ROBO1: variants seen among roughly 807,000 people sequenced by gnomAD.
ROBO1 encodes the protein roundabout guidance receptor 1.
A neutral mutation model predicts 195.9 loss-of-function variants in ROBO1; 149 were observed. The ratio of observed to expected loss-of-function variants is 0.76; its 90% confidence interval spans 0.67 to 0.87. The LOEUF (loss-of-function observed/expected upper bound fraction) is 0.87, where lower values mean the gene tolerates loss of function less well. Ranked by LOEUF, ROBO1 falls within the 40% of genes least tolerant of loss-of-function variation. ROBO1 has a pLI of 0.00. For synonymous variants in ROBO1, 816 were observed against 733.2 expected (o/e 1.11, Z -1.82); for missense variants, 1,933 against 2,068.3 (o/e 0.93, Z 1.27).
Position 78,634,034 on chromosome 3 carries a change from C to T in ROBO1, c.3382G>A (p.Ala1128Thr), listed in dbSNP as rs1259566504. ...ATAGTTGGAGGAACTGTGTCATTTG[C>T]TCGATAATCTAGACATATCAGATGA... is the stretch of plus-strand genomic sequence containing the variant. ...EQNKLNKDYR[A>T]NDTVPPTIPY... is the part of the protein sequence containing the mutation. The change falls in exon 24 of 31, where the codon GCA becomes ACA. Residue 1128 changes from alanine to threonine, a missense_variant. Ala to Thr is a moderately conservative substitution (Grantham distance 58). Coordinates refer to ENST00000464233, the MANE Select transcript of ROBO1 (RefSeq NM_002941.4). 1.9e-6 allele frequency: 3 copies of T among 1,603,908 alleles called. No individual in the cohort carries two copies. Among genetic ancestry groups the T allele is most frequent in the Admixed American group, 3.4e-5 (2 of 59,392 alleles).
chr3:79,714,085 T>G (rs1409511190), intron 1 of ROBO1, among the ~76,000 whole-genome samples: 2 of 152,066 alleles, frequency 1.3e-5, no homozygotes, highest in Non-Finnish European at 2.9e-5. Flanking sequence ...GGCTCTTTTT[T>G]GCAACCTACT....
chr3:79,307,943 G>C (rs1398862250), intron 2 of ROBO1, among the ~76,000 whole-genome samples: 5 of 152,138 alleles, frequency 3.3e-5, no homozygotes, highest in Non-Finnish European at 7.4e-5. Flanking sequence ...CACTGAGCCT[G>C]ATTTAAATTT....
intron 1 of ROBO1, among the ~76,000 whole-genome samples, chr3:79,650,598 A>C (rs1576177944): frequency 6.6e-6 from 1 of 151,776 alleles, no homozygotes; most frequent in Non-Finnish European, 1.5e-5. Context: ...TAAAGAAAAA[A>C]TATAGAAAAA....
In ROBO1 at chr3:79,239,699, A is replaced by G. The variant is rs527238393; in HGVS notation, c.89-114160T>C. On this transcript the variant is annotated intron_variant, in intron 2 of 30. Coordinates refer to ENST00000464233, the MANE Select transcript of ROBO1 (RefSeq NM_002941.4). ...GAGCACTCTCTGAATAACTATGTATAAATATTGATAAGTATCAATACATTG... is the reference window on the plus strand; with the variant it reads ...GAGCACTCTCTGAATAACTATGTATGAATATTGATAAGTATCAATACATTG... Among the ~76,000 whole-genome samples, 21 of 152,326 alleles carry G rather than the reference A, an allele frequency of 1.4e-4. 1 individual carries two copies. The East Asian group carries it at 4.1e-3, about 29-fold the overall frequency.
chr3:79,046,237 G>C (rs2078589256), intron 3 of ROBO1, among the ~76,000 whole-genome samples: 1 of 152,160 alleles, frequency 6.6e-6, no homozygotes, highest in Admixed American at 6.6e-5. Context: ...GTCTTAACAA[G>C]GTATTGATGT....
intron 2 of ROBO1, among the ~76,000 whole-genome samples, chr3:79,360,725 C>A (rs892684413): frequency 6.6e-6 from 1 of 151,896 alleles, no homozygotes; most frequent in South Asian, 2.1e-4. Context: ...AGCATAATGC[C>A]ATAAGAAACT....
chr3:78,941,227 G>T (rs1026711301), intron 3 of ROBO1, among the ~76,000 whole-genome samples: 7 of 152,070 alleles, frequency 4.6e-5, no homozygotes, highest in African/African-American at 1.7e-4. Context: ...ATACAGCATG[G>T]TATAGATTTT....
intron 4 of ROBO1, among the ~76,000 whole-genome samples, chr3:78,857,618 T>C (rs997566735): frequency 6.6e-6 from 1 of 152,154 alleles, no homozygotes; most frequent in Non-Finnish European, 1.5e-5. Flanking sequence ...AAAGGCAAAC[T>C]CTCAGACCCC....
chr3:79,445,389 C>T (rs2039207975), intron 2 of ROBO1, among the ~76,000 whole-genome samples: 1 of 150,126 alleles, frequency 6.7e-6, no homozygotes, highest in Non-Finnish European at 1.5e-5. Flanking sequence ...TCAGGTTTAT[C>T]ATTAGAATAT....
chr3:78,620,885 G>A (rs200341191), intron 26 of ROBO1, among the ~76,000 whole-genome samples: 15 of 87,230 alleles, frequency 1.7e-4, no homozygotes, highest in African/African-American at 5.1e-4. Flanking sequence ...ATATATATAT[G>A]TGTGTGTGTG....
chr3:79,330,939 T>G (rs970238879), intron 2 of ROBO1, among the ~76,000 whole-genome samples: 9 of 152,142 alleles, frequency 5.9e-5, no homozygotes, highest in Admixed American at 3.9e-4. Context: ...AGTTCATCAA[T>G]TTTATGTCCC....
chr3:79,503,370 A>C lies in ROBO1; in HGVS notation c.88+86454T>G, dbSNP rs368675455. On this transcript the variant is annotated intron_variant, in intron 2 of 30. Transcript: ENST00000464233. ...ACAAACTCAGGACACGCCACCTTTAAGAACTGTGCTTTTAAGAACTGTACC... is the reference window on the plus strand; with the variant it reads ...ACAAACTCAGGACACGCCACCTTTACGAACTGTGCTTTTAAGAACTGTACC... 1.6e-3 allele frequency among the ~76,000 whole-genome samples: 240 copies of C among 152,316 alleles called. 1 individual carries two copies. Among genetic ancestry groups the C allele is most frequent in the African/African-American group, 5.4e-3 (224 of 41,572 alleles).
chr3:79,560,727 A>T (rs1942887757), intron 2 of ROBO1, among the ~76,000 whole-genome samples: 1 of 151,834 alleles, frequency 6.6e-6, no homozygotes, highest in African/African-American at 2.4e-5. Flanking sequence ...CATCAACAAG[A>T]AATGTAGCAA....
chr3:79,331,357 G>T (rs1326172439), intron 2 of ROBO1, among the ~76,000 whole-genome samples: 1 of 152,094 alleles, frequency 6.6e-6, no homozygotes, highest in Non-Finnish European at 1.5e-5. Flanking sequence ...TTGCAAAGTA[G>T]ATTTATTTTA....
intron 4 of ROBO1, among the ~76,000 whole-genome samples, chr3:78,886,097 A>G (rs962501987): frequency 2.6e-5 from 4 of 151,650 alleles, no homozygotes; most frequent in African/African-American, 9.7e-5. Flanking sequence ...TCAAATAGTT[A>G]TGTCAAATAT....
At chr3:78,836,328 C>T (rs953586177) in intron 4 of ROBO1, among the ~76,000 whole-genome samples, 8 of 151,712 alleles carry the variant, frequency 5.3e-5, no homozygotes, top group African/African-American at 9.7e-5. Context: ...CTGGCTAACA[C>T]GGTGAAACCC....
intron 2 of ROBO1, among the ~76,000 whole-genome samples, chr3:79,504,400 A>G (rs1263918044): frequency 1.3e-5 from 2 of 152,142 alleles, no homozygotes; most frequent in African/African-American, 4.8e-5. Flanking sequence ...AAAATGCTGA[A>G]AATAAGAGAC....
At chr3:79,501,665 G>GT (rs1330015535) in intron 2 of ROBO1, among the ~76,000 whole-genome samples, 1 of 152,140 alleles carries the variant, frequency 6.6e-6, no homozygotes, top group Admixed American at 6.5e-5. Flanking sequence ...TAAAAGATTA[G>GT]TTTTTTATCC....
At chr3:78,800,249 G>T (rs115426706) in intron 4 of ROBO1, among the ~76,000 whole-genome samples, 1 of 151,928 alleles carries the variant, frequency 6.6e-6, no homozygotes, top group Non-Finnish European at 1.5e-5. Context: ...GCCCAGAAAC[G>T]AAAAAATAAC....
Sources: allele counts gnomAD v4.1 joint callset (sites outside exome capture counted in the v4.1 genomes callset), GRCh38; gene constraint gnomAD v4.1.1; transcripts MANE v1.5; gene names NCBI Gene and HGNC (gene_info 2026-07-23, HGNC 2026-07-21).